PABIR3: variants seen among roughly 807,000 people sequenced by gnomAD.
PABIR3 encodes the protein PABIR family member 1.
A neutral mutation model predicts 23.1 loss-of-function variants in PABIR3; 20 were observed. That is an observed-to-expected ratio of 0.86 (90% CI 0.61 to 1.26). The LOEUF (loss-of-function observed/expected upper bound fraction) is 1.26. PABIR3 is among the 50% of genes most tolerant of loss of function. PABIR3 has a pLI of 0.00. For missense variants in PABIR3, 189 were observed against 195.4 expected (o/e 0.97, Z 0.20); for synonymous variants, 69 against 68.5 (o/e 1.01, Z -0.04).
intron 2 of PABIR3, 128 bp downstream of exon 2, chrX:134,807,836 C>T: frequency 1.4e-6 from 1 of 706,014 alleles, no homozygotes; most frequent in Non-Finnish European, 2.0e-6. Flanking sequence ...TTCCTGGTGT[C>T]CGGAGATCCC....
At chrX:134,813,814 A>G (rs1220958148) in intron 2 of PABIR3, among the ~76,000 whole-genome samples, 1 of 110,699 alleles carries the variant, frequency 9.0e-6, no homozygotes, top group Non-Finnish European at 1.9e-5. Context: ...AATAGGACCA[A>G]GTTCACTTGA....
At chrX:134,857,861 CATTT>C (rs1408442174), downstream of PABIR3, among the ~76,000 whole-genome samples, 6 of 111,101 alleles carry the variant, frequency 5.4e-5, no homozygotes, top group Non-Finnish European at 7.5e-5. Flanking sequence ...CAACCAATAA[CATTT>C]ATAATTTTAA....
Position 134,849,217 on chromosome X carries a change from TA to T in PABIR3, c.583del (p.Arg195GlufsTer83). The part of the protein sequence containing the change: ...NIIRPSILGP[L>X]KRKGEMAFQY... ...ATTAGACCAAGTATCCTTGGACCAT[TA>T]AAAAGAAAAGGTACTTTTATCTAAC... On this transcript the variant is annotated frameshift_variant, in exon 9 of 11. Coordinates refer to ENST00000645433, the MANE Select transcript of PABIR3 (RefSeq NM_001388447.1). LOFTEE classifies it high-confidence loss of function. 1 of 934,257 alleles carries T rather than the reference TA, an allele frequency of 1.1e-6. No individual in the cohort carries two copies. Among genetic ancestry groups the T allele is most frequent in the Non-Finnish European group, 1.4e-6 (1 of 733,011 alleles). The allele number at this position is 934,257 out of a possible 1,213,427, so 77.0% of individuals were successfully genotyped here.
At chrX:134,839,754 G>A (rs1386811935) in intron 4 of PABIR3, among the ~76,000 whole-genome samples, 2 of 108,210 alleles carry the variant, frequency 1.8e-5, no homozygotes, top group Non-Finnish European at 1.9e-5. Context: ...TCAGCCCCCC[G>A]CCCGGCCAGC....
intron 4 of PABIR3, 117 bp from the exon 5 acceptor site, chrX:134,845,088 T>A (rs1213386197): frequency 3.5e-6 from 2 of 567,811 alleles, no homozygotes; most frequent in African/African-American, 4.7e-5. Context: ...ATTTATTTAT[T>A]CTCTAGTTCT....
intron 3 of PABIR3, chrX:134,822,586 C>T: frequency 9.3e-6 from 7 of 751,590 alleles, no homozygotes; most frequent in Non-Finnish European, 1.1e-5. Context: ...AAGCCTTTGC[C>T]TGAACCTAAA....
At chrX:134,810,636 T>G in intron 2 of PABIR3, 1 of 754,074 alleles carries the variant, frequency 1.3e-6, no homozygotes, top group Middle Eastern at 7.6e-4. Flanking sequence ...ACACTGAGCC[T>G]TAGTTGAATT....
chrX:134,819,386 A>G (rs967918547), intron 3 of PABIR3, among the ~76,000 whole-genome samples: 5 of 111,801 alleles, frequency 4.5e-5, no homozygotes, highest in Non-Finnish European at 9.4e-5. Flanking sequence ...AACTTATTGG[A>G]TGATGGGGAT....
chrX:134,822,835 G>A (rs902353826), intron 3 of PABIR3: 2 of 158,038 alleles, frequency 1.3e-5, no homozygotes, highest in Non-Finnish European at 2.1e-5. Flanking sequence ...CTACCTGGGT[G>A]ATGAAATAGT....
At chrX:134,842,448 A>C (rs951803714) in intron 4 of PABIR3, among the ~76,000 whole-genome samples, 2 of 110,497 alleles carry the variant, frequency 1.8e-5, no homozygotes. Flanking sequence ...CTCTACTAAA[A>C]ATACAAAAAA....
At chrX:134,798,003 T>A (rs1050993819) in intron 1 of PABIR3, among the ~76,000 whole-genome samples, 1 of 110,834 alleles carries the variant, frequency 9.0e-6, no homozygotes, top group Admixed American at 9.5e-5. Flanking sequence ...GTATTTTTAG[T>A]AGAGACGGGG....
At chrX:134,804,214 G>T, upstream of PABIR3, 1 of 1,151,735 alleles carries the variant, frequency 8.7e-7, no homozygotes, top group South Asian at 1.9e-5. Flanking sequence ...TATTTCCCTG[G>T]AACTGGAAGG....
chrX:134,810,154 A>G, intron 2 of PABIR3: 1 of 753,871 alleles, frequency 1.3e-6, no homozygotes, highest in Non-Finnish European at 1.6e-6. Flanking sequence ...TGTGTACTGG[A>G]AGGAACCTGT....
chrX:134,847,183 C>T (rs1286550424), intron 6 of PABIR3, among the ~76,000 whole-genome samples, 200 bp from the exon 7 acceptor site: 3 of 112,046 alleles, frequency 2.7e-5, no homozygotes, highest in Non-Finnish European at 1.9e-5. Context: ...TAGCCCTCAT[C>T]CCCAAAAGGG....
intron 3 of PABIR3, chrX:134,823,126 C>T (rs750307765): frequency 1.0e-3 from 114 of 109,007 alleles, no homozygotes; most frequent in African/African-American, 3.7e-3. Flanking sequence ...GGTGACAGAG[C>T]GAGACTCCGT....
intron 3 of PABIR3, chrX:134,821,264 AAAAC>A: frequency 2.0e-6 from 2 of 989,584 alleles, no homozygotes; most frequent in Non-Finnish European, 2.6e-6. Flanking sequence ...AAAAAAAAAA[AAAAC>A]TGTTCCCTCA....
intron 3 of PABIR3, chrX:134,822,343 C>A: frequency 1.3e-6 from 1 of 748,948 alleles, no homozygotes; most frequent in Non-Finnish European, 1.6e-6. Flanking sequence ...GAATTCTCTT[C>A]CAGAAGCCTT....
intron 4 of PABIR3, among the ~76,000 whole-genome samples, chrX:134,829,612 C>A (rs959911000): frequency 9.0e-6 from 1 of 111,693 alleles, no homozygotes; most frequent in African/African-American, 3.2e-5. Flanking sequence ...ATTTTTTTAA[C>A]CCTCAGATGA....
chrX:134,809,776 C>CCTA, intron 2 of PABIR3: 1 of 748,346 alleles, frequency 1.3e-6, no homozygotes, highest in Non-Finnish European at 1.6e-6. Flanking sequence ...TTTCCTGACT[C>CCTA]CTAAACTACT....
Sources: gnomAD v4.1 joint callset for allele counts (sites outside exome capture counted in the v4.1 genomes callset) on GRCh38, gnomAD v4.1.1 for gene constraint, MANE v1.5 for transcripts, NCBI Gene and HGNC (gene_info 2026-07-23, HGNC 2026-07-21) for gene names.